Variants in PDE1C observed in about 807,000 individuals in gnomAD.
PDE1C encodes the protein phosphodiesterase 1C.
Under a neutral mutation model 93.1 loss-of-function variants are expected in PDE1C, and 62 were observed. That is an observed-to-expected ratio of 0.67 (90% confidence interval 0.54 to 0.82). The LOEUF (loss-of-function observed/expected upper bound fraction) is 0.82, where lower values mean the gene tolerates loss of function less well. Ranked by LOEUF, PDE1C falls within the 40% of genes least tolerant of loss-of-function variation. The probability of loss-of-function intolerance (pLI) is 0.00; values close to 1 mark genes in which losing one functional copy is unlikely to be tolerated. For missense variants in PDE1C, 742 were observed against 884.6 expected, an observed-to-expected ratio of 0.84 and a Z score of 2.04; for synonymous variants, 325 against 310.1, an observed-to-expected ratio of 1.05 and a Z score of -0.50.
At chr7:32,062,218 G>A (rs902819003) in intron 1 of PDE1C, among the ~76,000 whole-genome samples, 1 of 152,162 alleles carries the variant, frequency 6.6e-6, no homozygotes, top group Non-Finnish European at 1.5e-5. Context: ...AAAACCCTGC[G>A]AGTTGACCTT....
intron 17 of PDE1C, among the ~76,000 whole-genome samples, chr7:31,758,414 C>T (rs554370403): frequency 6.6e-6 from 1 of 152,226 alleles, no homozygotes; most frequent in South Asian, 2.1e-4. Flanking sequence ...ATTTATTCAC[C>T]CACTTCTTAG....
chr7:32,187,826 T>G (rs1222179504), intron 2 of PDE1C, among the ~76,000 whole-genome samples: 1 of 152,220 alleles, frequency 6.6e-6, no homozygotes, highest in Non-Finnish European at 1.5e-5. Context: ...ATTTTTATAT[T>G]ATTTTACTTT....
intron 2 of PDE1C, among the ~76,000 whole-genome samples, chr7:32,183,906 A>G (rs1194827919): frequency 6.6e-6 from 1 of 152,214 alleles, no homozygotes; most frequent in Non-Finnish European, 1.5e-5. Context: ...TACTCATCTG[A>G]CAAAGGGCTA....
chr7:31,742,720 T>C, the PDE1C span, among the ~76,000 whole-genome samples: 1 of 152,164 alleles, frequency 6.6e-6, no homozygotes, highest in East Asian at 1.9e-4. Flanking sequence ...ACCAGGAACA[T>C]TTGGAAATTG....
the PDE1C span, chr7:31,653,736 T>TA: frequency 6.6e-6 from 1 of 152,254 alleles, no homozygotes; most frequent in Non-Finnish European, 1.5e-5. Context: ...TCCTGAGGTT[T>TA]ATTTTCCTTT....
intron 1 of PDE1C, among the ~76,000 whole-genome samples, chr7:32,285,321 T>C (rs1213068006): frequency 6.6e-6 from 1 of 152,190 alleles, no homozygotes; most frequent in Admixed American, 6.5e-5. Flanking sequence ...TACAATAATT[T>C]ACCATACAAC....
At chr7:31,661,258 G>C in the PDE1C span, among the ~76,000 whole-genome samples, 1 of 152,044 alleles carries the variant, frequency 6.6e-6, no homozygotes, top group Non-Finnish European at 1.5e-5. Flanking sequence ...CAATTAGAAA[G>C]TGTGTTTCTA....
chr7:31,665,353 T>C, the PDE1C span, among the ~76,000 whole-genome samples: 1 of 152,316 alleles, frequency 6.6e-6, no homozygotes, highest in East Asian at 1.9e-4. Context: ...TTTGTTTCTT[T>C]CATAGCATGT....
intron 1 of PDE1C, among the ~76,000 whole-genome samples, chr7:32,370,112 A>C (rs919262933): frequency 6.6e-6 from 1 of 152,210 alleles, no homozygotes; most frequent in Non-Finnish European, 1.5e-5. Flanking sequence ...CTGGATTAAG[A>C]AAATGTGGCA....
chr7:32,415,642 C>G lies in PDE1C; in HGVS notation c.310+12180G>C, dbSNP rs373140166. 6.8e-4 allele frequency among the ~76,000 whole-genome samples: 103 copies of G among 152,180 alleles called. 2 individuals carry two copies. Among genetic ancestry groups the G allele is most frequent in the South Asian group, 5.6e-3 (27 of 4,806 alleles). On this transcript the variant is annotated intron_variant, in intron 1 of 1. Transcript: ENST00000672256. ...CGGCTTCTCTTACCCTCCTCCCTTT[C>G]CCTACATTAGGGAGCCTGAATCCGA...
intron 1 of PDE1C, among the ~76,000 whole-genome samples, chr7:32,277,870 G>A (rs190571360): frequency 1.3e-5 from 2 of 152,254 alleles, no homozygotes; most frequent in Admixed American, 6.5e-5. Flanking sequence ...ATACCATCAC[G>A]ATGAACCCTA....
chr7:31,801,190 GTGA>G (rs1785979969), intron 16 of PDE1C, among the ~76,000 whole-genome samples: 1 of 151,076 alleles, frequency 6.6e-6, no homozygotes, highest in Non-Finnish European at 1.5e-5. Context: ...AATATTAATG[GTGA>G]TGATTAATAA....
At chr7:32,153,129 G>A (rs1801363926) in intron 3 of PDE1C, among the ~76,000 whole-genome samples, 1 of 152,160 alleles carries the variant, frequency 6.6e-6, no homozygotes, top group African/African-American at 2.4e-5. Flanking sequence ...TGCCCAGCAG[G>A]CTTTTGAAAG....
chr7:31,784,952 A>G (rs1375325501), intron 16 of PDE1C: 1 of 152,192 alleles, frequency 6.6e-6, no homozygotes, highest in Non-Finnish European at 1.5e-5. Context: ...CCACTCAAAG[A>G]CAAGGACAGT....
chr7:32,197,588 T>C (rs748948945), intron 2 of PDE1C, among the ~76,000 whole-genome samples: 1 of 152,144 alleles, frequency 6.6e-6, no homozygotes, highest in Non-Finnish European at 1.5e-5. Flanking sequence ...AAAACGTATA[T>C]CCATACTAGG....
At chr7:31,969,394 C>G (rs1326579970) in intron 2 of PDE1C, among the ~76,000 whole-genome samples, 2 of 152,132 alleles carry the variant, frequency 1.3e-5, no homozygotes, top group Admixed American at 6.5e-5. Context: ...TGAAAAAATG[C>G]TCATCATCAC....
intron 2 of PDE1C, among the ~76,000 whole-genome samples, chr7:31,987,131 T>C (rs529862166): frequency 3.8e-4 from 58 of 152,326 alleles, no homozygotes; most frequent in Middle Eastern, 3.4e-3. Flanking sequence ...ATTAACCTAC[T>C]AGATATTTCC....
chr7:31,629,677 A>G, the PDE1C span, among the ~76,000 whole-genome samples: 1 of 152,216 alleles, frequency 6.6e-6, no homozygotes, highest in Non-Finnish European at 1.5e-5. Flanking sequence ...CTCACCTCTC[A>G]AAAAGCATCC....
chr7:32,177,869 C>G (rs1270226348), intron 2 of PDE1C, among the ~76,000 whole-genome samples: 1 of 152,114 alleles, frequency 6.6e-6, no homozygotes, highest in Non-Finnish European at 1.5e-5. Flanking sequence ...AATAATAAAC[C>G]CTACCAAGAC....
Sources: gnomAD v4.1 joint callset for allele counts (sites outside exome capture counted in the v4.1 genomes callset) on GRCh38, gnomAD v4.1.1 for gene constraint, MANE v1.5 for transcripts, NCBI Gene and HGNC (gene_info 2026-07-23, HGNC 2026-07-21) for gene names.